TBC1D5: variants seen among roughly 807,000 people sequenced by gnomAD.
TBC1D5 encodes the protein TBC1 domain family, member 5.
A neutral mutation model predicts 100.3 loss-of-function variants in TBC1D5; 75 were observed. The ratio of observed to expected loss-of-function variants is 0.75; its 90% CI spans 0.62 to 0.91. TBC1D5 has a LOEUF of 0.91. Ranked by LOEUF, TBC1D5 falls within the 40% of genes least tolerant of loss-of-function variation. The pLI is 0.00. For missense variants in TBC1D5, 910 were observed against 942.4 expected (o/e 0.97, Z 0.45); for synonymous variants, 323 against 325.6 (o/e 0.99, Z 0.09).
At chr3:17,570,072 T>C (rs1302348129) in intron 2 of TBC1D5, among the ~76,000 whole-genome samples, 3 of 152,058 alleles carry the variant, frequency 2.0e-5, no homozygotes, top group Non-Finnish European at 4.4e-5. Flanking sequence ...TTTCCATCAG[T>C]AGAGCTCAAG....
chr3:17,362,144 C>T (rs1265162537), intron 13 of TBC1D5, among the ~76,000 whole-genome samples: 1 of 151,804 alleles, frequency 6.6e-6, no homozygotes, highest in African/African-American at 2.4e-5. Context: ...AAAAATTAAG[C>T]CAAAATAAAT....
chr3:17,453,579 T>TA (rs2149759655), intron 3 of TBC1D5, among the ~76,000 whole-genome samples: 1 of 152,204 alleles, frequency 6.6e-6, no homozygotes, highest in African/African-American at 2.4e-5. Flanking sequence ...CCTAGACACA[T>TA]ACAATCTACC....
intron 1 of TBC1D5, among the ~76,000 whole-genome samples, chr3:17,677,807 A>T (rs370727165): frequency 1.5e-3 from 236 of 152,290 alleles, no homozygotes; most frequent in African/African-American, 5.4e-3. Flanking sequence ...CATGGAATAC[A>T]ATGCAGCCAT....
intron 2 of TBC1D5, among the ~76,000 whole-genome samples, chr3:17,564,740 A>AT (rs2096583169): frequency 6.6e-6 from 1 of 152,162 alleles, no homozygotes; most frequent in Admixed American, 6.5e-5. Flanking sequence ...GCATAGACAA[A>AT]TGGCTATCTT....
In TBC1D5 at chr3:17,634,626, T is replaced by TAAAAAAAAAAA. The variant is rs1000749608; in HGVS notation, c.-100-10724_-100-10714dup. 7.9e-3 allele frequency among the ~76,000 whole-genome samples: 678 copies of TAAAAAAAAAAA among 85,358 alleles called. 6 individuals are homozygous for TAAAAAAAAAAA. Among genetic ancestry groups the TAAAAAAAAAAA allele is most frequent in the Non-Finnish European group, 0.014 (563 of 41,126 alleles). The allele number at this position is 85,358 out of a possible 152,430, so 56.0% of individuals were successfully genotyped here. A position where few individuals can be genotyped will look rare whatever the true frequency, so the allele number is the denominator to read the frequency against. ...GGGGACGTGGGGATGGCTAATAGGGTAAAAAAAAAAAAAAAAAAAGTGAAT... is the reference window on the plus strand; with the variant it reads ...GGGGACGTGGGGATGGCTAATAGGGTAAAAAAAAAAAAAAAAAAAAAAAAAAAAAAGTGAAT... On this transcript the variant is annotated intron_variant, in intron 1 of 21. Transcript: ENST00000253692.
chr3:17,333,838 G>A (rs2087249266), intron 13 of TBC1D5, among the ~76,000 whole-genome samples: 1 of 152,134 alleles, frequency 6.6e-6, no homozygotes, highest in Non-Finnish European at 1.5e-5. Flanking sequence ...AGTGAGTTCA[G>A]TAAGCATGGT....
chr3:17,465,838 A>C (rs1408565984), intron 3 of TBC1D5, among the ~76,000 whole-genome samples: 1 of 152,250 alleles, frequency 6.6e-6, no homozygotes, highest in Non-Finnish European at 1.5e-5. Context: ...ATCCAAATTC[A>C]AAATTTTTTG....
chr3:17,478,416 T>C lies in TBC1D5; in HGVS notation c.97+30058A>G, dbSNP rs116069467. On this transcript the variant is annotated intron_variant, in intron 3 of 21. Transcript: ENST00000253692. ...TCAAAAGGTAGTGGCAACATAGTAA[T>C]ACTGAGTCTTCTAATCCATGAACAT... Among the ~76,000 whole-genome samples, 1,504 of 152,290 alleles carry C rather than the reference T, an allele frequency of 9.9e-3. 28 individuals carry two copies. The highest frequency in any genetic ancestry group is 0.034 in the African/African-American group (1,408 of 41,556).
At chr3:17,640,092 T>C (rs1002956557) in intron 1 of TBC1D5, among the ~76,000 whole-genome samples, 1 of 152,084 alleles carries the variant, frequency 6.6e-6, no homozygotes, top group African/African-American at 2.4e-5. Context: ...CAGAGAAATA[T>C]AATACAGAGG....
intron 3 of TBC1D5, among the ~76,000 whole-genome samples, chr3:17,475,264 C>T (rs1182393206): frequency 6.6e-6 from 1 of 151,882 alleles, no homozygotes; most frequent in East Asian, 1.9e-4. Flanking sequence ...TTACATCTTC[C>T]CAGAATCTCA....
chr3:17,230,071 G>A (rs768256801), intron 17 of TBC1D5, among the ~76,000 whole-genome samples: 1 of 152,162 alleles, frequency 6.6e-6, no homozygotes, highest in Admixed American at 6.6e-5. Context: ...TGTGCTTCAG[G>A]TCTATCACAT....
chr3:17,346,169 A>G (rs1006114571), intron 13 of TBC1D5, among the ~76,000 whole-genome samples: 4 of 152,200 alleles, frequency 2.6e-5, no homozygotes, highest in Non-Finnish European at 5.9e-5. Flanking sequence ...ATAAATCCCA[A>G]TAATACAATT....
intron 13 of TBC1D5, among the ~76,000 whole-genome samples, chr3:17,320,475 G>C (rs1341791732): frequency 2.0e-5 from 3 of 152,198 alleles, no homozygotes; most frequent in Admixed American, 6.5e-5. Flanking sequence ...ATAGTGTTGG[G>C]ATGCTGCCAA....
At chr3:17,667,295 T>C (rs2067371359) in intron 1 of TBC1D5, among the ~76,000 whole-genome samples, 1 of 152,064 alleles carries the variant, frequency 6.6e-6, no homozygotes, top group South Asian at 2.1e-4. Context: ...CTCCAACTTA[T>C]AAAAATGAAG....
chr3:17,222,623 T>A (rs1356613442), intron 17 of TBC1D5, among the ~76,000 whole-genome samples: 1 of 152,226 alleles, frequency 6.6e-6, no homozygotes, highest in African/African-American at 2.4e-5. Flanking sequence ...GTCTATCTGA[T>A]GATTATCTTA....
exon 22 of TBC1D5, chr3:17,158,390 T>G (rs2065767877): frequency 6.6e-6 from 1 of 152,172 alleles, no homozygotes; most frequent in Non-Finnish European, 1.5e-5. Context: ...TAAACATAAG[T>G]ATCTGATAAT....
chr3:17,405,546 T>A (rs970541681), intron 5 of TBC1D5, among the ~76,000 whole-genome samples: 16 of 152,178 alleles, frequency 1.1e-4, no homozygotes, highest in African/African-American at 3.8e-4. Flanking sequence ...TAAATTTGGA[T>A]TTAGATTTAT....
intron 3 of TBC1D5, among the ~76,000 whole-genome samples, chr3:17,495,843 G>A (rs1430333601): frequency 6.6e-6 from 1 of 152,166 alleles, no homozygotes; most frequent in African/African-American, 2.4e-5. Context: ...AGTTAGGAAT[G>A]ACCTACTTTA....
chr3:17,272,099 A>C (rs996998622), intron 15 of TBC1D5, among the ~76,000 whole-genome samples: 9 of 148,016 alleles, frequency 6.1e-5, no homozygotes, highest in Admixed American at 1.4e-4. Flanking sequence ...TATGGAAAGG[A>C]GAGGTGCAGC....
Sources: gnomAD v4.1 joint callset for allele counts (sites outside exome capture counted in the v4.1 genomes callset) on GRCh38, gnomAD v4.1.1 for gene constraint, MANE v1.5 for transcripts, NCBI Gene and HGNC (gene_info 2026-07-23, HGNC 2026-07-21) for gene names.